Variants in ASIC2 observed in about 807,000 individuals in gnomAD.
The protein encoded by ASIC2 is acid sensing ion channel subunit 2.
ASIC2 carries 25 observed loss-of-function variants against 57.3 expected under a neutral mutation model. The observed-to-expected ratio is 0.44, with a 90% CI of 0.32 to 0.61. The LOEUF is 0.61. Ranked by LOEUF, ASIC2 falls within the 20% of genes least tolerant of loss-of-function variation. The pLI, the probability that ASIC2 is intolerant of heterozygous loss-of-function variation, is 0.06. For synonymous variants in ASIC2, 319 were observed against 307.5 expected (o/e 1.04, Z -0.39); for missense variants, 641 against 738.1 (o/e 0.87, Z 1.52).
At chr17:33,029,253 T>C (rs898389168) in intron 3 of ASIC2, among the ~76,000 whole-genome samples, 3 of 152,236 alleles carry the variant, frequency 2.0e-5, no homozygotes, top group Admixed American at 1.3e-4. Flanking sequence ...TAAAACACCC[T>C]AGAAAGTTCG....
At position 33,881,060 on chromosome 17, in the gene ASIC2, G is replaced by A. The variant is rs573556171; in HGVS notation, c.555+274918C>T. 3.2e-4 allele frequency among the ~76,000 whole-genome samples: 48 copies of A among 152,230 alleles called. 1 individual carries two copies. Among genetic ancestry groups the A allele is most frequent in the African/African-American group, 8.2e-4 (34 of 41,540 alleles). ...AAAAGGCCTTTGACAAAATTCAACA[G>A]CCCTTCATGCTAAAAACTCTCAATA... On this transcript the variant is annotated intron_variant, in intron 1 of 9. Transcript: ENST00000359872.
chr17:33,813,874 C>T (rs1257720529), intron 1 of ASIC2, among the ~76,000 whole-genome samples: 5 of 152,148 alleles, frequency 3.3e-5, no homozygotes, highest in Admixed American at 1.3e-4. Flanking sequence ...CATACCCACA[C>T]GTTTCCGCAA....
At chr17:33,026,090 G>A in intron 4 of ASIC2, 108 bp from the exon 5 acceptor site, 1 of 1,228,600 alleles carries the variant, frequency 8.1e-7, no homozygotes, top group South Asian at 1.4e-5. Flanking sequence ...GCAGTTGAAG[G>A]GGCAGCGGCC....
chr17:33,464,739 C>A (rs1912806214), intron 1 of ASIC2, among the ~76,000 whole-genome samples: 1 of 143,930 alleles, frequency 6.9e-6, no homozygotes, highest in Middle Eastern at 3.6e-3. Flanking sequence ...CAAATAAGTG[C>A]CTGGAAATTA....
chr17:33,182,183 TGGA>T (rs1906012651), intron 1 of ASIC2, among the ~76,000 whole-genome samples: 1 of 152,066 alleles, frequency 6.6e-6, no homozygotes, highest in East Asian at 1.9e-4. Context: ...GAGGCAGGGG[TGGA>T]GGAGAAGTGG....
intron 1 of ASIC2, among the ~76,000 whole-genome samples, chr17:34,024,267 T>C (rs1907289479): frequency 6.6e-6 from 1 of 152,196 alleles, no homozygotes; most frequent in African/African-American, 2.4e-5. Context: ...CCTCTTCATG[T>C]TCCCAACAAT....
intron 1 of ASIC2, among the ~76,000 whole-genome samples, chr17:33,137,941 C>T (rs749160544): frequency 1.3e-5 from 2 of 152,118 alleles, no homozygotes; most frequent in African/African-American, 2.4e-5. Context: ...GAGTGGATTG[C>T]TGCAGTGGGA....
chr17:33,924,173 A>G (rs561892324), intron 1 of ASIC2, among the ~76,000 whole-genome samples: 16 of 152,308 alleles, frequency 1.1e-4, no homozygotes, highest in Admixed American at 1.0e-3. Context: ...AATAAATGGC[A>G]TTTGTCACCA....
At chr17:33,268,658 G>A (rs186245281) in intron 1 of ASIC2, among the ~76,000 whole-genome samples, 1 of 152,104 alleles carries the variant, frequency 6.6e-6, no homozygotes, top group Non-Finnish European at 1.5e-5. Flanking sequence ...ATTTTTTTAA[G>A]AGCAAAGTTT....
chr17:33,392,673 A>G (rs1042624735), intron 1 of ASIC2, among the ~76,000 whole-genome samples: 1 of 152,152 alleles, frequency 6.6e-6, no homozygotes, highest in African/African-American at 2.4e-5. Flanking sequence ...TGGTCAAGTC[A>G]CAGTGAGCTT....
intron 1 of ASIC2, among the ~76,000 whole-genome samples, chr17:33,610,889 T>C (rs1905385905): frequency 6.6e-6 from 1 of 152,126 alleles, no homozygotes; most frequent in Admixed American, 6.5e-5. Context: ...AGCAAGACCC[T>C]GTCTCACAAA....
At chr17:33,676,043 A>C (rs1298851052) in intron 1 of ASIC2, among the ~76,000 whole-genome samples, 1 of 152,096 alleles carries the variant, frequency 6.6e-6, no homozygotes, top group Non-Finnish European at 1.5e-5. Flanking sequence ...AAACTTTCTT[A>C]TTATTACTGT....
chr17:33,278,199 A>ATTTTT (rs58668822), intron 1 of ASIC2, among the ~76,000 whole-genome samples: 1 of 137,584 alleles, frequency 7.3e-6, no homozygotes, highest in East Asian at 2.1e-4. Flanking sequence ...GCCCTTATTC[A>ATTTTT]TTTTTTTTTT....
At chr17:33,322,080 G>A (rs987290527) in intron 1 of ASIC2, among the ~76,000 whole-genome samples, 9 of 152,154 alleles carry the variant, frequency 5.9e-5, no homozygotes, top group South Asian at 2.1e-4. Flanking sequence ...TGGTGGAACC[G>A]GTCCAGAATG....
At chr17:33,192,347 C>T (rs1047270058) in intron 1 of ASIC2, among the ~76,000 whole-genome samples, 12 of 152,036 alleles carry the variant, frequency 7.9e-5, no homozygotes, top group Admixed American at 7.9e-4. Context: ...CATGCCATTG[C>T]ACTCCAGCCT....
chr17:33,922,839 T>C (rs540642678), intron 1 of ASIC2, among the ~76,000 whole-genome samples: 19 of 152,184 alleles, frequency 1.2e-4, no homozygotes, highest in Admixed American at 1.0e-3. Context: ...GAATGGCAAG[T>C]GTAAGAATTA....
At chr17:33,186,040 G>A (rs1481454511) in intron 1 of ASIC2, among the ~76,000 whole-genome samples, 1 of 152,168 alleles carries the variant, frequency 6.6e-6, no homozygotes, top group Non-Finnish European at 1.5e-5. Flanking sequence ...AGTAATTGCG[G>A]TTTTTGCATT....
intron 1 of ASIC2, among the ~76,000 whole-genome samples, chr17:33,597,790 G>A (rs17192051): frequency 0.14 from 20,616 of 152,150 alleles, 1,582 homozygotes; most frequent in Non-Finnish European, 0.17. Context: ...GCAGGTGTCA[G>A]GAGGGATAGT....
intron 1 of ASIC2, among the ~76,000 whole-genome samples, chr17:33,173,604 G>T (rs1020560666): frequency 2.0e-5 from 3 of 152,180 alleles, no homozygotes; most frequent in African/African-American, 7.2e-5. Context: ...AGCAGTGAGT[G>T]TGACTTGTTT....
Sources: gnomAD v4.1 joint callset for allele counts (sites outside exome capture counted in the v4.1 genomes callset) on GRCh38, gnomAD v4.1.1 for gene constraint, MANE v1.5 for transcripts, NCBI Gene and HGNC (gene_info 2026-07-23, HGNC 2026-07-21) for gene names.